AKAP1: variants seen among roughly 807,000 people sequenced by gnomAD.
AKAP1 encodes the protein A-kinase anchoring protein 1, also known as A-kinase anchor protein 1, mitochondrial.
A neutral mutation model predicts 79.8 loss-of-function variants in AKAP1; 32 were observed. The observed-to-expected ratio is 0.40, with a 90% CI of 0.30 to 0.54. The LOEUF (loss-of-function observed/expected upper bound fraction) is 0.54. Among genes scored for constraint, AKAP1 ranks in the 20% least tolerant of loss-of-function variants. The pLI is 0.47. For missense variants in AKAP1, 961 were observed against 1,138.9 expected (o/e 0.84, Z 2.25); for synonymous variants, 416 against 466.7 (o/e 0.89, Z 1.40).
At chr17:57,110,347 T>C (rs550427098) in intron 3 of AKAP1, among the ~76,000 whole-genome samples, 189 bp downstream of exon 3, 1 of 152,300 alleles carries the variant, frequency 6.6e-6, no homozygotes, top group African/African-American at 2.4e-5. Context: ...TCCTGCAACA[T>C]GGAATTCCTC....
At chr17:57,090,613 CTT>C (rs1470140363) in intron 1 of AKAP1, among the ~76,000 whole-genome samples, 1 of 152,146 alleles carries the variant, frequency 6.6e-6, no homozygotes, top group East Asian at 1.9e-4. Context: ...TGGAGTCTGA[CTT>C]AAGTGTGTTC....
chr17:57,088,589 C>T (rs1423026972), intron 1 of AKAP1, among the ~76,000 whole-genome samples: 2 of 152,132 alleles, frequency 1.3e-5, no homozygotes, highest in Non-Finnish European at 2.9e-5. Context: ...AAACTAGGTC[C>T]TCTGGATGGC....
At position 57,107,967 on chromosome 17, in the gene AKAP1, A is replaced by G. The variant is rs899737136; in HGVS notation, c.1714+789A>G. On this transcript the variant is annotated intron_variant, in intron 2 of 10. Coordinates refer to ENST00000337714, the MANE Select transcript of AKAP1 (RefSeq NM_003488.4). The stretch of plus-strand genomic sequence containing the variant: ...GCAGTTGCAGCTCCACCCCCGGGAA[A>G]GCGGGGCACTTTGATAACGAGGTGT... The G allele has an allele frequency of 2.3e-6, 3 of 1,289,510 alleles. No individual in the cohort carries two copies. In the African/African-American group the frequency reaches 4.6e-5, roughly 20 times the overall value. The allele number at this position is 1,289,510 out of a possible 1,614,324, so 79.9% of individuals were successfully genotyped here. A position where few individuals can be genotyped will look rare whatever the true frequency, so the allele number is the denominator to read the frequency against.
In AKAP1 at chr17:57,107,024, C is replaced by G. The variant is rs1260235878; in HGVS notation, c.1560C>G (p.Cys520Trp). 6.2e-7 allele frequency: 1 copy of G among 1,614,064 alleles called. No individual in the cohort carries two copies. Among genetic ancestry groups the G allele is most frequent in the Non-Finnish European group, 8.5e-7 (1 of 1,180,044 alleles). Residue 520 changes from cysteine to tryptophan, a missense_variant, in exon 2 of 11, where the codon TGC becomes TGG. By Grantham distance (215) the Cys-to-Trp change is radical (BLOSUM62 -2). Transcript: ENST00000337714. ...GCACTTCAGGGCTTGAAGACTCTTG[C>G]ACAGAGACCAGCTCGAGCCCCAGGG... Reference protein sequence around the residue: ...SFSTSGLEDSCTETSSSPRDK... With the variant: ...SFSTSGLEDSWTETSSSPRDK...
rs1195610431 is a variant in AKAP1 at position 57,116,224 on chromosome 17, T to G, written c.2395T>G (p.Tyr799Asp). The G allele has an allele frequency of 6.2e-7, 1 of 1,614,046 alleles. No homozygotes were observed. Among genetic ancestry groups the G allele is most frequent in the Non-Finnish European group, 8.5e-7 (1 of 1,179,986 alleles). ...VEIRYVDYGGYKRVKVDVLRQ... is the reference protein window; with the variant it reads ...VEIRYVDYGGDKRVKVDVLRQ... Reference sequence around the variant, plus strand: ...GATTCGATACGTGGACTACGGCGGATATAAGAGGGTGAAAGTAGACGTGCT... The same window carrying G: ...GATTCGATACGTGGACTACGGCGGAGATAAGAGGGTGAAAGTAGACGTGCT... The change falls in exon 7 of 11, where the codon TAT becomes GAT. Residue 799 changes from tyrosine to aspartate, a missense_variant. Tyr to Asp is a radical substitution (Grantham distance 160). This residue lies in a region of AKAP1 where 629 missense variants were observed against 781.1 expected (regional missense o/e 0.81). Coordinates refer to ENST00000337714, the MANE Select transcript of AKAP1 (RefSeq NM_003488.4).
At chr17:57,113,621 G>A (rs865954764) in intron 5 of AKAP1, among the ~76,000 whole-genome samples, 1 of 11,314 alleles carries the variant, frequency 8.8e-5, no homozygotes, top group Non-Finnish European at 2.2e-4. Context: ...TTTTTTTTTT[G>A]AGACAGAGTC....
intron 6 of AKAP1, among the ~76,000 whole-genome samples, chr17:57,115,625 G>T (rs548397180): frequency 5.9e-5 from 9 of 152,314 alleles, no homozygotes; most frequent in Non-Finnish European, 1.0e-4. Context: ...GAAGAAGGGG[G>T]TTTAGGCCCA....
rs576815273 is a variant in AKAP1 at position 57,120,196 on chromosome 17, G to A, written c.2638-54G>A. The A allele has an allele frequency of 9.0e-6, 14 of 1,547,662 alleles. No homozygotes were observed. In the African/African-American group the frequency reaches 1.9e-4, roughly 21 times the overall value. On this transcript the variant is annotated intron_variant, in intron 10 of 10. Transcript: ENST00000337714. ...GAGGGGAGAACTCATGTTGGCTAGG[G>A]AGATGGCCCCAGGATGCCATGGACA...
In AKAP1 at chr17:57,107,496, T is replaced by TA. The variant is rs142249799; in HGVS notation, c.1714+325dup. ...ATTAGTGTGCCTCTTTTTCTTTGTTTAAAAAAATTATTATTATTTTGGTGC... is the reference window on the plus strand; with the variant it reads ...ATTAGTGTGCCTCTTTTTCTTTGTTTAAAAAAAATTATTATTATTTTGGTGC... On this transcript the variant is annotated intron_variant, in intron 2 of 10. Transcript: ENST00000337714. Among the ~76,000 whole-genome samples the TA allele has an allele frequency of 6.2e-3, 950 of 152,262 alleles. 12 individuals carry two copies. Among genetic ancestry groups the TA allele is most frequent in the African/African-American group, 0.022 (907 of 41,562 alleles).
rs771272447 is a variant in AKAP1 at position 57,105,674 on chromosome 17, A to AC, written c.216dup (p.Ser73GlnfsTer41). 1 of 1,613,688 alleles carries AC rather than the reference A, an allele frequency of 6.2e-7. No homozygotes were observed. On this transcript the variant is annotated frameshift_variant, in exon 2 of 11. Coordinates refer to ENST00000337714, the MANE Select transcript of AKAP1 (RefSeq NM_003488.4). LOFTEE classifies it high-confidence loss of function. Reference sequence around the variant, plus strand: ...ACGTCTGTCCCAAAGTAGTGTCCACACCCCCCAGTGTCACAGAGCCTCCAG... The same window carrying AC: ...ACGTCTGTCCCAAAGTAGTGTCCACACCCCCCCAGTGTCACAGAGCCTCCAG...
intron 3 of AKAP1, among the ~76,000 whole-genome samples, chr17:57,111,012 C>A (rs3094438): frequency 6.6e-6 from 1 of 151,740 alleles, no homozygotes; most frequent in African/African-American, 2.4e-5. Flanking sequence ...TGTTTTGACC[C>A]TGGGTTGCGA....
At position 57,102,649 on chromosome 17, in the gene AKAP1, A is replaced by G. The variant is rs112161348; in HGVS notation, c.-24-2792A>G. ...CCGGCTCTCTCTCTTTTTTTTTTGT[A>G]TTTTTAGTAGAAACAGGGTTTAACA... On this transcript the variant is annotated intron_variant, in intron 1 of 10. Coordinates refer to ENST00000337714, the MANE Select transcript of AKAP1 (RefSeq NM_003488.4). 8.1e-3 allele frequency among the ~76,000 whole-genome samples: 1,220 copies of G among 149,714 alleles called. 10 individuals are homozygous for G. Among genetic ancestry groups the G allele is most frequent in the African/African-American group, 0.028 (1,147 of 40,668 alleles).
chr17:57,114,653 G>T lies in AKAP1; in HGVS notation c.2281+17G>T. On this transcript the variant is annotated intron_variant, in intron 6 of 10. Coordinates refer to ENST00000337714, the MANE Select transcript of AKAP1 (RefSeq NM_003488.4). Reference sequence around the variant, plus strand: ...CAGTGGAAAGTAAGCAGTGCCCTGAGGGGTCGGGAAGGGGGACCCCTGGGG... The same window carrying T: ...CAGTGGAAAGTAAGCAGTGCCCTGATGGGTCGGGAAGGGGGACCCCTGGGG... 1 of 1,607,986 alleles carries T rather than the reference G, an allele frequency of 6.2e-7. No homozygotes were observed. The highest frequency in any genetic ancestry group is 8.5e-7 in the Non-Finnish European group (1 of 1,176,996).
At position 57,106,218 on chromosome 17, in the gene AKAP1, C is replaced by T. The variant is rs1276121658; in HGVS notation, c.754C>T (p.Gln252Ter). ...EEDKGKSSSSQVVGPVQEEEY... is the reference protein window; with the variant it reads ...EEDKGKSSSS Reference sequence around the variant, plus strand: ...AGATAAGGGGAAGAGCAGCTCATCCCAGGTGGTGGGGCCAGTGCAGGAGGA... The same window carrying T: ...AGATAAGGGGAAGAGCAGCTCATCCTAGGTGGTGGGGCCAGTGCAGGAGGA... Residue 252 changes from glutamine (Q) to a stop codon, truncating the protein, a stop_gained, in exon 2 of 11, where the codon CAG becomes TAG. Transcript: ENST00000337714. LOFTEE classifies it high-confidence loss of function. 2 of 1,614,148 alleles carry T rather than the reference C, an allele frequency of 1.2e-6. No homozygotes were observed.
In AKAP1 at chr17:57,120,427, A is replaced by G; in HGVS notation, c.*103A>G. The G allele has an allele frequency of 9.4e-7, 1 of 1,064,184 alleles. No homozygotes were observed. The highest frequency in any genetic ancestry group is 1.4e-6 in the Non-Finnish European group (1 of 722,332). The allele number at this position is 1,064,184 out of a possible 1,614,324, so 65.9% of individuals were successfully genotyped here. On this transcript the variant is annotated 3_prime_UTR_variant, in exon 11 of 11. Coordinates refer to ENST00000337714, the MANE Select transcript of AKAP1 (RefSeq NM_003488.4). ...GAATAACAAACATTGTCCTCTCCAG[A>G]AAGTCCTTTCTTTCTCCATACTGTA...
At chr17:57,087,685 G>C (rs1913545121) in intron 1 of AKAP1, among the ~76,000 whole-genome samples, 1 of 152,072 alleles carries the variant, frequency 6.6e-6, no homozygotes, top group Non-Finnish European at 1.5e-5. Context: ...TGAATTACTT[G>C]AGTGACTTGA....
intron 8 of AKAP1, among the ~76,000 whole-genome samples, chr17:57,118,106 G>T (rs867510754): frequency 6.6e-6 from 1 of 152,030 alleles, no homozygotes; most frequent in African/African-American, 2.4e-5. Context: ...TGCTGCTGGT[G>T]GTATTGGTGG....
intron 5 of AKAP1, 112 bp downstream of exon 5, chr17:57,112,730 G>GC (rs1428562927): frequency 1.4e-6 from 2 of 1,418,862 alleles, no homozygotes; most frequent in Non-Finnish European, 1.9e-6. Flanking sequence ...ATGAGTGCCT[G>GC]CGCCCTCTCT....
Position 57,107,122 on chromosome 17 carries a change from C to T in AKAP1, c.1658C>T (p.Ser553Leu), listed in dbSNP as rs781297785. 1.2e-6 allele frequency: 2 copies of T among 1,613,922 alleles called. No homozygotes were observed. Among genetic ancestry groups the T allele is most frequent in the South Asian group, 2.2e-5 (2 of 91,052 alleles). ...AATGGGGTGCTGAAGGGGGAGTTGT[C>T]AGACTTGGGGGCTGAGGATGGATGG... ...FSNGVLKGEL[S>L]DLGAEDGWTM... is the part of the protein sequence containing the mutation. Residue 553 changes from serine (S) to leucine (L), a missense_variant, in exon 2 of 11, where the codon TCA becomes TTA. By Grantham distance (145) the Ser-to-Leu change is moderately radical (BLOSUM62 -2). Transcript: ENST00000337714.
Sources: allele counts gnomAD v4.1 joint callset (sites outside exome capture counted in the v4.1 genomes callset), GRCh38; gene constraint gnomAD v4.1.1; regional missense constraint gnomAD v4.1.1; transcripts MANE v1.5; gene names NCBI Gene and HGNC (gene_info 2026-07-23, HGNC 2026-07-21).